The following OR3A2 variants were observed in gnomAD, a reference collection of about 807,000 sequenced individuals.
The protein encoded by OR3A2 is olfactory receptor family 3 subfamily A member 2, also known as olfactory receptor 3A2.
For synonymous variants in OR3A2, 126 were observed against 159.3 expected (o/e 0.79, Z 1.57); for missense variants, 318 against 392.8 (o/e 0.81, Z 1.61).
At chr17:3,316,343 G>C (rs9894687) in intron 3 of OR3A2, among the ~76,000 whole-genome samples, 4 of 151,990 alleles carry the variant, frequency 2.6e-5, no homozygotes, top group African/African-American at 4.8e-5. Flanking sequence ...GTACATCCAC[G>C]ATCCATGTGT....
chr17:3,283,999 C>G (rs867655949), intron 1 of OR3A2, among the ~76,000 whole-genome samples: 10 of 146,526 alleles, frequency 6.8e-5, no homozygotes, highest in African/African-American at 2.3e-4. Flanking sequence ...CCCTTACGAG[C>G]TGTGACAGCT....
chr17:3,289,108 AGTGT>A (rs1567542883), upstream of OR3A2, among the ~76,000 whole-genome samples: 1 of 146,300 alleles, frequency 6.8e-6, no homozygotes, highest in Non-Finnish European at 1.5e-5. Flanking sequence ...TGTGTGTGTG[AGTGT>A]GTGTTTGTGT....
intron 3 of OR3A2, among the ~76,000 whole-genome samples, chr17:3,318,667 T>G (rs565519446): frequency 2.6e-5 from 4 of 152,340 alleles, no homozygotes; most frequent in African/African-American, 9.6e-5. Context: ...AACTGCATTA[T>G]CAACCCTCTA....
chr17:3,294,309 G>A (rs1251907822), intron 3 of OR3A2, among the ~76,000 whole-genome samples: 2 of 151,622 alleles, frequency 1.3e-5, no homozygotes, highest in Non-Finnish European at 2.9e-5. Flanking sequence ...AGATGTTAAA[G>A]AAATGTAAAA....
Position 3,334,915 on chromosome 17 carries a change from T to C in OR3A2, c.-85+1118A>G, listed in dbSNP as rs1188642017. Among the ~76,000 whole-genome samples the C allele has an allele frequency of 2.6e-5, 4 of 152,204 alleles. No individual in the cohort carries two copies. In the East Asian group the frequency reaches 5.8e-4, roughly 22 times the overall value. On this transcript the variant is annotated intron_variant, in intron 3 of 4. Transcript: ENST00000573491. Reference sequence around the variant, plus strand: ...TATGAGATGAATATTTTAGGGTTCTTATACATATTGCTAAACTCTTCAACA... The same window carrying C: ...TATGAGATGAATATTTTAGGGTTCTCATACATATTGCTAAACTCTTCAACA...
chr17:3,300,755 A>G (rs1179465924), intron 3 of OR3A2, among the ~76,000 whole-genome samples: 2 of 152,004 alleles, frequency 1.3e-5, no homozygotes, highest in Non-Finnish European at 2.9e-5. Context: ...GGTTTGTTAC[A>G]TATGTATACA....
intron 2 of OR3A2, among the ~76,000 whole-genome samples, chr17:3,379,716 T>A (rs1462448175): frequency 6.6e-6 from 1 of 152,056 alleles, no homozygotes; most frequent in Non-Finnish European, 1.5e-5. Context: ...GTGATGGTTG[T>A]AGCTCAGGGT....
chr17:3,326,355 T>C (rs1384369628), intron 3 of OR3A2, among the ~76,000 whole-genome samples: 1 of 151,968 alleles, frequency 6.6e-6, no homozygotes, highest in Non-Finnish European at 1.5e-5. Context: ...ATAAAAACCA[T>C]AGAAGAAAAT....
At chr17:3,331,996 T>C (rs1036004820) in intron 3 of OR3A2, among the ~76,000 whole-genome samples, 1 of 152,020 alleles carries the variant, frequency 6.6e-6, no homozygotes, top group Non-Finnish European at 1.5e-5. Context: ...AGTGTGCCCC[T>C]GCTGGGGGGT....
intron 3 of OR3A2, among the ~76,000 whole-genome samples, chr17:3,295,219 TA>T: frequency 6.6e-6 from 1 of 152,188 alleles, no homozygotes; most frequent in East Asian, 1.9e-4. Flanking sequence ...AGCTGAATGT[TA>T]AAAGATATTA....
At chr17:3,370,632 G>C (rs890815480) in intron 2 of OR3A2, among the ~76,000 whole-genome samples, 7 of 86,350 alleles carry the variant, frequency 8.1e-5, no homozygotes, top group Admixed American at 2.8e-4. Flanking sequence ...TTGTTCTTTC[G>C]GATTTTTTTT....
chr17:3,276,642 TGA>T (rs1431617864), downstream of OR3A2, among the ~76,000 whole-genome samples: 1 of 152,174 alleles, frequency 6.6e-6, no homozygotes, highest in Non-Finnish European at 1.5e-5. Flanking sequence ...CAAGGAGCTT[TGA>T]GAGAGCTAAG....
At chr17:3,277,938 A>T in exon 2 of OR3A2, 1 of 1,552,304 alleles carries the variant, frequency 6.4e-7, no homozygotes, top group Non-Finnish European at 8.7e-7. Flanking sequence ...CTCAGTCCAG[A>T]AAAGGCAGGA....
At chr17:3,358,764 G>A (rs1489618191) in intron 2 of OR3A2, among the ~76,000 whole-genome samples, 1 of 151,710 alleles carries the variant, frequency 6.6e-6, no homozygotes, top group African/African-American at 2.4e-5. Context: ...TTGTTTTGGG[G>A]TGCAGAGTTT....
intron 2 of OR3A2, among the ~76,000 whole-genome samples, chr17:3,374,088 G>A (rs1223837767): frequency 6.6e-6 from 1 of 152,146 alleles, no homozygotes; most frequent in Non-Finnish European, 1.5e-5. Flanking sequence ...AAAATTCTTG[G>A]CTGATAATTT....
chr17:3,324,343 C>A (rs1323288804), intron 3 of OR3A2, among the ~76,000 whole-genome samples: 1 of 152,028 alleles, frequency 6.6e-6, no homozygotes, highest in East Asian at 1.9e-4. Flanking sequence ...TCGTCTGAAG[C>A]CTTCTTTTCT....
chr17:3,315,755 G>C (rs773621338), intron 3 of OR3A2, among the ~76,000 whole-genome samples: 3 of 141,250 alleles, frequency 2.1e-5, no homozygotes, highest in East Asian at 2.2e-4. Flanking sequence ...AAAATATGGG[G>C]GGGGGGGCGG....
At chr17:3,343,974 G>T (rs2049342501) in intron 2 of OR3A2, among the ~76,000 whole-genome samples, 1 of 152,194 alleles carries the variant, frequency 6.6e-6, no homozygotes, top group South Asian at 2.1e-4. Context: ...AGGGGTCTGT[G>T]ATTCTACTTT....
intron 2 of OR3A2, among the ~76,000 whole-genome samples, chr17:3,347,730 C>T (rs1443677859): frequency 6.6e-6 from 1 of 152,160 alleles, no homozygotes; most frequent in East Asian, 1.9e-4. Context: ...TTTATAGAAG[C>T]ATGATTTATA....
Sources: gnomAD v4.1 joint callset for allele counts (sites outside exome capture counted in the v4.1 genomes callset) on GRCh38, gnomAD v4.1.1 for gene constraint, MANE v1.5 for transcripts, NCBI Gene and HGNC (gene_info 2026-07-23, HGNC 2026-07-21) for gene names.